The following NELL1 variants were observed in gnomAD, a reference collection of about 807,000 sequenced individuals.
NELL1 encodes neural EGFL like 1, also known as protein kinase C-binding protein NELL1.
A neutral mutation model predicts 107.4 loss-of-function variants in NELL1; 76 were observed. That is an observed-to-expected ratio of 0.71 (90% CI 0.59 to 0.86). The LOEUF (loss-of-function observed/expected upper bound fraction) is 0.86, where lower values mean the gene tolerates loss of function less well. NELL1 is among the 40% of genes least tolerant of loss of function. The pLI is 0.00. For missense variants in NELL1, 1,024 were observed against 1,005.5 expected, an observed-to-expected ratio of 1.02 and a Z score of -0.25; for synonymous variants, 353 against 341.2, an observed-to-expected ratio of 1.03 and a Z score of -0.38.
intron 11 of NELL1, among the ~76,000 whole-genome samples, chr11:20,949,625 T>C (rs1177896086): frequency 6.6e-6 from 1 of 152,238 alleles, no homozygotes; most frequent in African/African-American, 2.4e-5. Context: ...GGGATTTCAT[T>C]GCCCTGACCC....
intron 15 of NELL1, among the ~76,000 whole-genome samples, chr11:21,385,632 A>G (rs1851727398): frequency 6.6e-6 from 1 of 152,062 alleles, no homozygotes; most frequent in East Asian, 1.9e-4. Context: ...CCTCCCTCAC[A>G]GAAATGTTCT....
intron 3 of NELL1, among the ~76,000 whole-genome samples, chr11:20,810,868 G>A (rs1857488398): frequency 6.6e-6 from 1 of 151,478 alleles, no homozygotes; most frequent in Non-Finnish European, 1.5e-5. Context: ...TTTTTTAAAT[G>A]AGTTTTTGTA....
At chr11:21,275,979 G>C (rs1848847950) in intron 14 of NELL1, among the ~76,000 whole-genome samples, 1 of 152,104 alleles carries the variant, frequency 6.6e-6, no homozygotes, top group Non-Finnish European at 1.5e-5. Context: ...CATTCCCTTT[G>C]AAAACTGGCA....
chr11:21,057,786 T>G (rs2134357443), intron 12 of NELL1, among the ~76,000 whole-genome samples: 1 of 152,146 alleles, frequency 6.6e-6, no homozygotes, highest in South Asian at 2.1e-4. Flanking sequence ...TATGGATAGT[T>G]TTTAAAATTT....
chr11:21,294,015 G>A (rs765398612), intron 14 of NELL1, among the ~76,000 whole-genome samples: 9 of 152,040 alleles, frequency 5.9e-5, no homozygotes, highest in South Asian at 4.1e-4. Flanking sequence ...ACTATTCCAC[G>A]TGTATACTTA....
chr11:21,323,498 G>A (rs1244038736), intron 14 of NELL1, among the ~76,000 whole-genome samples: 1 of 152,006 alleles, frequency 6.6e-6, no homozygotes, highest in East Asian at 1.9e-4. Context: ...AGTGACCTAG[G>A]AAAACCTATA....
At chr11:21,302,756 A>G (rs950092702) in intron 14 of NELL1, among the ~76,000 whole-genome samples, 4 of 151,816 alleles carry the variant, frequency 2.6e-5, no homozygotes, top group African/African-American at 9.7e-5. Flanking sequence ...TGTGGGAGAA[A>G]ACAAAAAGGA....
chr11:21,515,114 C>A (rs1362248635), intron 15 of NELL1, among the ~76,000 whole-genome samples: 2 of 152,144 alleles, frequency 1.3e-5, no homozygotes, highest in Non-Finnish European at 2.9e-5. Flanking sequence ...TTAATAATTC[C>A]CTTTTACTAT....
chr11:21,564,500 AC>A (rs1416593482), intron 17 of NELL1, among the ~76,000 whole-genome samples: 1 of 151,980 alleles, frequency 6.6e-6, no homozygotes, highest in Non-Finnish European at 1.5e-5. Flanking sequence ...GTATACTACT[AC>A]ATCTATACCT....
chr11:20,963,909 A>G (rs1238798955), intron 12 of NELL1, among the ~76,000 whole-genome samples: 1 of 152,146 alleles, frequency 6.6e-6, no homozygotes, highest in Non-Finnish European at 1.5e-5. Context: ...AAGGCTTTCA[A>G]TTTTCTTAAC....
Position 21,398,428 on chromosome 11 carries a change from T to A in NELL1, c.1645+27480T>A, listed in dbSNP as rs866625027. On this transcript the variant is annotated intron_variant, in intron 15 of 19. Coordinates refer to ENST00000357134, the MANE Select transcript of NELL1 (RefSeq NM_006157.5). ...TGGGTGATTCATAAATGTGCATGAG[T>A]CCAGCTTTATAGAAAGTTTCTGGAG... 7.9e-5 allele frequency among the ~76,000 whole-genome samples: 12 copies of A among 151,862 alleles called. No homozygotes were observed. The South Asian group carries it at 1.5e-3, about 18-fold the overall frequency.
chr11:20,960,118 A>G (rs1851260026), intron 11 of NELL1, among the ~76,000 whole-genome samples: 1 of 152,102 alleles, frequency 6.6e-6, no homozygotes, highest in Non-Finnish European at 1.5e-5. Flanking sequence ...ATTTTACAAG[A>G]AAACAAAATT....
intron 13 of NELL1, among the ~76,000 whole-genome samples, chr11:21,138,464 A>G (rs1301962712): frequency 6.6e-6 from 1 of 152,208 alleles, no homozygotes; most frequent in Non-Finnish European, 1.5e-5. Flanking sequence ...AAGAAAATAA[A>G]AAGTGAACAC....
At chr11:21,184,089 G>A (rs766399283) in intron 13 of NELL1, among the ~76,000 whole-genome samples, 32 of 151,776 alleles carry the variant, frequency 2.1e-4, no homozygotes, top group Non-Finnish European at 3.7e-4. Flanking sequence ...ACCCCAAGTT[G>A]GCTAGCAACT....
At chr11:21,481,559 T>A (rs1266453292) in intron 15 of NELL1, among the ~76,000 whole-genome samples, 1 of 152,182 alleles carries the variant, frequency 6.6e-6, no homozygotes, top group East Asian at 1.9e-4. Context: ...CACAAGTAAA[T>A]GAAACAGATT....
In NELL1 at chr11:21,463,921, C is replaced by T. The variant is rs565461475; in HGVS notation, c.1646-70453C>T. Among the ~76,000 whole-genome samples the T allele has an allele frequency of 3.3e-5, 5 of 152,182 alleles. No homozygotes were observed. In the South Asian group the frequency reaches 1.0e-3, roughly 32 times the overall value. ...TCGGAAGACTTTTTTACTAACACAT[C>T]TGAAAACTGGGCTGGGATGATTTAA... On this transcript the variant is annotated intron_variant, in intron 15 of 19. Transcript: ENST00000357134.
chr11:20,726,315 A>G (rs1855507405), intron 2 of NELL1, among the ~76,000 whole-genome samples: 1 of 152,218 alleles, frequency 6.6e-6, no homozygotes, highest in South Asian at 2.1e-4. Flanking sequence ...TTATTGAGAC[A>G]TAATCATAAA....
chr11:20,971,821 T>C (rs1851507146), intron 12 of NELL1, among the ~76,000 whole-genome samples: 1 of 152,186 alleles, frequency 6.6e-6, no homozygotes, highest in East Asian at 1.9e-4. Flanking sequence ...GTAGCACATA[T>C]AGCCCATGGA....
intron 5 of NELL1, among the ~76,000 whole-genome samples, chr11:20,911,941 G>T (rs1850141630): frequency 6.6e-6 from 1 of 152,154 alleles, no homozygotes; most frequent in African/African-American, 2.4e-5. Flanking sequence ...CTGAAAAAGA[G>T]GCAGCCACTT....
Sources: allele counts gnomAD v4.1 joint callset (sites outside exome capture counted in the v4.1 genomes callset), GRCh38; gene constraint gnomAD v4.1.1; transcripts MANE v1.5; gene names NCBI Gene and HGNC (gene_info 2026-07-23, HGNC 2026-07-21).